Variants in IMMT observed in about 807,000 individuals in gnomAD.
The protein encoded by IMMT is inner membrane mitochondrial protein.
In IMMT, 40 loss-of-function variants were observed where a neutral mutation model predicts 92.7. That is an observed-to-expected ratio of 0.43 (90% CI 0.34 to 0.56). IMMT has a LOEUF of 0.56. Among genes scored for constraint, IMMT ranks in the 20% least tolerant of loss-of-function variants. The probability of loss-of-function intolerance (pLI) is 0.03; values close to 1 mark genes in which losing one functional copy is unlikely to be tolerated. For synonymous variants in IMMT, 322 were observed against 336.1 expected (o/e 0.96, Z 0.46); for missense variants, 831 against 912.1 (o/e 0.91, Z 1.14).
chr2:86,182,966 A>G (rs530054248), intron 1 of IMMT, among the ~76,000 whole-genome samples: 57 of 152,246 alleles, frequency 3.7e-4, no homozygotes, highest in African/African-American at 1.3e-3. Flanking sequence ...TTTTTGAACC[A>G]TTTTTAATAG....
chr2:86,148,817 A>C (rs141739654), intron 12 of IMMT, among the ~76,000 whole-genome samples: 180 of 152,322 alleles, frequency 1.2e-3, no homozygotes, highest in African/African-American at 3.8e-3. Context: ...GAAATCCAGA[A>C]CTTATTTTTT....
intron 12 of IMMT, among the ~76,000 whole-genome samples, chr2:86,149,309 T>G (rs534406857): frequency 6.6e-6 from 1 of 152,128 alleles, no homozygotes; most frequent in African/African-American, 2.4e-5. Context: ...ACAAAAGATA[T>G]AGTCAAGGTA....
At chr2:86,175,520 A>T (rs1277887841) in intron 3 of IMMT, among the ~76,000 whole-genome samples, 1 of 152,132 alleles carries the variant, frequency 6.6e-6, no homozygotes, top group Admixed American at 6.5e-5. Flanking sequence ...TTTTTATGAT[A>T]TGAAGTTCTA....
rs1487818950 is a variant in IMMT at position 86,144,611 on chromosome 2, A to G, written c.1934T>C (p.Val645Ala). 4 of 1,613,916 alleles carry G rather than the reference A, an allele frequency of 2.5e-6. No homozygotes were observed. The highest frequency in any genetic ancestry group is 2.5e-6 in the Non-Finnish European group (3 of 1,179,890). Residue 645 changes from valine (V) to alanine (A), a missense_variant, in exon 15 of 15, where the codon GTA (valine) becomes GCA (alanine). Coordinates refer to ENST00000410111, the MANE Select transcript of IMMT (RefSeq NM_006839.3). ...ATTTCTGGTTTCATCAATCATTGCT[A>G]CCCTTCGGGCCAGTTTTTGAACAGC... ...FYAVQKLARRVAMIDETRNSL... is the reference protein window; with the variant it reads ...FYAVQKLARRAAMIDETRNSL...
chr2:86,145,626 T>TA lies in IMMT; in HGVS notation c.1663+441dup, dbSNP rs202236570. ...GACAAAAAAAGATTCCATAACATCC[T>TA]AAAAAAACCCATTTTATTAATACCC... On this transcript the variant is annotated intron_variant, in intron 14 of 14. Transcript: ENST00000410111. Among the ~76,000 whole-genome samples the TA allele has an allele frequency of 7.2e-3, 1,090 of 151,842 alleles. 16 individuals carry two copies. The highest frequency in any genetic ancestry group is 0.024 in the African/African-American group (998 of 41,486).
At chr2:86,193,958 G>C (rs947731403) in intron 1 of IMMT, among the ~76,000 whole-genome samples, 3 of 152,202 alleles carry the variant, frequency 2.0e-5, no homozygotes, top group African/African-American at 7.2e-5. Context: ...GGTCTAGAGA[G>C]GAAAGACCAA....
chr2:86,173,601 T>C, intron 4 of IMMT, 49 bp downstream of exon 4: 1 of 1,010,632 alleles, frequency 9.9e-7, no homozygotes, highest in African/African-American at 1.6e-5. Context: ...AAAGAATTGG[T>C]GAAGAGATTT....
At chr2:86,170,400 C>A (rs893170356) in intron 6 of IMMT, among the ~76,000 whole-genome samples, 3 of 152,114 alleles carry the variant, frequency 2.0e-5, no homozygotes, top group Non-Finnish European at 4.4e-5. Context: ...GTCTGGGTGA[C>A]AGAAAAGAGC....
intron 10 of IMMT, among the ~76,000 whole-genome samples, chr2:86,155,799 G>A (rs1458383037): frequency 6.6e-6 from 1 of 152,180 alleles, no homozygotes; most frequent in Non-Finnish European, 1.5e-5. Context: ...TCTGATTTCA[G>A]AGGTGAGGAC....
chr2:86,195,320 G>A lies in IMMT; in HGVS notation c.45+18C>T. 2 of 1,535,752 alleles carry A rather than the reference G, an allele frequency of 1.3e-6. No homozygotes were observed. Among genetic ancestry groups the A allele is most frequent in the East Asian group, 2.5e-5 (1 of 39,822 alleles). On this transcript the variant is annotated intron_variant, in intron 1 of 14. Transcript: ENST00000410111. ...TAGTTCAGCCTCCTCACGCGCCTCC[G>A]GGAGCCCCAGTGCTCACCTGGGCGG... is the stretch of plus-strand genomic sequence containing the variant.
intron 3 of IMMT, among the ~76,000 whole-genome samples, chr2:86,176,446 A>G (rs1381639667): frequency 6.6e-6 from 1 of 152,180 alleles, no homozygotes; most frequent in East Asian, 1.9e-4. Flanking sequence ...ATGGAGAGCA[A>G]CAGGCCTAGT....
Position 86,159,645 on chromosome 2 carries a change from A to C in IMMT, c.923T>G (p.Val308Gly), listed in dbSNP as rs1333061317. 2 of 1,577,182 alleles carry C rather than the reference A, an allele frequency of 1.3e-6. No individual in the cohort carries two copies. Among genetic ancestry groups the C allele is most frequent in the Non-Finnish European group, 1.7e-6 (2 of 1,168,970 alleles). ...AKEELEKMKSVIENAKKKEVA... is the reference protein window; with the variant it reads ...AKEELEKMKSGIENAKKKEVA... ...CTCTTTTTTCTTTGCATTTTCAATCACACTTTTCATCTTCTCTAACTCTTC... is the reference window on the plus strand; with the variant it reads ...CTCTTTTTTCTTTGCATTTTCAATCCCACTTTTCATCTTCTCTAACTCTTC... Residue 308 changes from valine (V) to glycine (G), a missense_variant, in exon 9 of 15, where the codon GTG becomes GGG. Val to Gly is a moderately radical substitution (Grantham distance 109). Coordinates refer to ENST00000410111, the MANE Select transcript of IMMT (RefSeq NM_006839.3).
intron 4 of IMMT, 30 bp from the exon 5 acceptor site, chr2:86,171,375 T>G: frequency 6.3e-7 from 1 of 1,597,518 alleles, no homozygotes; most frequent in Non-Finnish European, 8.5e-7. Flanking sequence ...ATGGTATTTA[T>G]ACTTTCCTGG....
intron 12 of IMMT, among the ~76,000 whole-genome samples, chr2:86,148,413 C>A (rs763666643): frequency 2.0e-4 from 30 of 151,944 alleles, no homozygotes; most frequent in Middle Eastern, 3.4e-3. Flanking sequence ...TTGAGACTAT[C>A]CTGACTAAAA....
At chr2:86,168,889 A>G (rs1317253492) in intron 6 of IMMT, among the ~76,000 whole-genome samples, 1 of 152,174 alleles carries the variant, frequency 6.6e-6, no homozygotes. Flanking sequence ...AAACCGTGGT[A>G]TTTGGATCCC....
At chr2:86,176,048 T>C (rs935701405) in intron 3 of IMMT, among the ~76,000 whole-genome samples, 5 of 152,198 alleles carry the variant, frequency 3.3e-5, no homozygotes, top group African/African-American at 1.2e-4. Context: ...TAAGGGCTTA[T>C]GTGCAGGACC....
intron 14 of IMMT, among the ~76,000 whole-genome samples, chr2:86,145,649 C>G (rs1283102665): frequency 1.3e-5 from 2 of 151,850 alleles, no homozygotes; most frequent in African/African-American, 2.4e-5. Context: ...TTTATTAATA[C>G]CCTCATTGTC....
At chr2:86,181,076 G>A (rs182499118) in intron 2 of IMMT, among the ~76,000 whole-genome samples, 20 of 152,034 alleles carry the variant, frequency 1.3e-4, no homozygotes, top group South Asian at 1.2e-3. Context: ...GCTATGCCTC[G>A]GATGCCATCC....
chr2:86,153,304 TACACAC>T (rs10572745), intron 11 of IMMT, among the ~76,000 whole-genome samples: 1,539 of 143,846 alleles, frequency 0.011, 12 homozygotes, highest in Middle Eastern at 0.021. Context: ...CAATCCATAT[TACACAC>T]ACACACACAC....
Sources: allele counts gnomAD v4.1 joint callset (sites outside exome capture counted in the v4.1 genomes callset), GRCh38; gene constraint gnomAD v4.1.1; transcripts MANE v1.5; gene names NCBI Gene and HGNC (gene_info 2026-07-23, HGNC 2026-07-21).